C18orf32: variants seen among roughly 807,000 people sequenced by gnomAD.
The protein encoded by C18orf32 is chromosome 18 open reading frame 32, also known as UPF0729 protein C18orf32.
C18orf32 carries 5 observed loss-of-function variants against 7.4 expected under a neutral mutation model. The observed-to-expected ratio is 0.68, with a 90% CI of 0.35 to 1.42. C18orf32 has a LOEUF of 1.42. Ranked by LOEUF, C18orf32 falls within the 40% of genes most tolerant of loss-of-function variation. The probability of loss-of-function intolerance (pLI) is 0.04; values close to 1 mark genes in which losing one functional copy is unlikely to be tolerated. For missense variants in C18orf32, 88 were observed against 92.4 expected, an observed-to-expected ratio of 0.95 and a Z score of 0.19; for synonymous variants, 30 against 29.3, an observed-to-expected ratio of 1.02 and a Z score of -0.08.
Position 49,487,006 on chromosome 18 carries a change from C to T in C18orf32, c.-24+37G>A, listed in dbSNP as rs1294359862. ...AGACAGAGGGGAGGGGAGGGCGGGG[C>T]GGAGGGCGGAGGAGCGCGCTCGCGG... is the stretch of plus-strand genomic sequence containing the variant. On this transcript the variant is annotated intron_variant, in intron 1 of 2. Coordinates refer to ENST00000318240, the MANE Select transcript of C18orf32 (RefSeq NM_001035005.4). 2.0e-5 allele frequency: 3 copies of T among 148,818 alleles called. No individual in the cohort carries two copies. The East Asian group carries it at 6.1e-4, about 30-fold the overall frequency. 9.2% of individuals were successfully genotyped at this position (148,818 alleles called of 1,614,324 possible).
chr18:49,485,292 C>G (rs1364124586), intron 1 of C18orf32, among the ~76,000 whole-genome samples: 1 of 152,090 alleles, frequency 6.6e-6, no homozygotes, highest in Non-Finnish European at 1.5e-5. Context: ...CGGTGGCTCA[C>G]GCCTGTAATC....
chr18:49,484,163 T>TACAC (rs752826618), intron 1 of C18orf32, among the ~76,000 whole-genome samples: 1 of 66,866 alleles, frequency 1.5e-5, no homozygotes. Flanking sequence ...TATATATATA[T>TACAC]ATATACACAC....
chr18:49,485,890 G>A (rs1328294757), intron 1 of C18orf32: 1 of 151,900 alleles, frequency 6.6e-6, no homozygotes, highest in Non-Finnish European at 1.5e-5. Flanking sequence ...CCAAAGTGCT[G>A]GGATTACTGG....
chr18:49,481,549 T>C lies in C18orf32; in HGVS notation c.*796A>G, dbSNP rs754552588. The C allele has an allele frequency of 6.9e-6, 1 of 145,062 alleles. No homozygotes were observed. Among genetic ancestry groups the C allele is most frequent in the Non-Finnish European group, 1.5e-5 (1 of 66,596 alleles). The allele number at this position is 145,062 out of a possible 1,614,324, so 9.0% of individuals were successfully genotyped here. ...TGTCTTGTTACGCAACAATAGTAAT[T>C]GTTGTCCCACCACTACACAGATGCC... is the stretch of plus-strand genomic sequence containing the variant. On this transcript the variant is annotated 3_prime_UTR_variant, in exon 3 of 3. Transcript: ENST00000318240.
Position 49,480,135 on chromosome 18 carries a change from G to A in C18orf32, c.*2210C>T. The A allele has an allele frequency of 6.6e-6, 1 of 152,356 alleles. No homozygotes were observed. The highest frequency in any genetic ancestry group is 1.5e-5 in the Non-Finnish European group (1 of 68,180). The allele number at this position is 152,356 out of a possible 1,614,324, so 9.4% of individuals were successfully genotyped here. A position where few individuals can be genotyped will look rare whatever the true frequency, so the allele number is the denominator to read the frequency against. ...GAGGCCAGGAGTTTGAGACTCGCTT[G>A]GGCAACAGAGCAAGACCCCGTCTCT... On this transcript the variant is annotated 3_prime_UTR_variant, in exon 3 of 3. Transcript: ENST00000318240.
chr18:49,486,393 G>A (rs145869021), intron 1 of C18orf32: 1 of 152,276 alleles, frequency 6.6e-6, no homozygotes, highest in East Asian at 1.9e-4. Flanking sequence ...ACAGTACGAT[G>A]TACATAAACT....
At chr18:49,485,204 TAGAG>T (rs1421060123) in intron 1 of C18orf32, among the ~76,000 whole-genome samples, 1 of 152,188 alleles carries the variant, frequency 6.6e-6, no homozygotes, top group Non-Finnish European at 1.5e-5. Flanking sequence ...AACGGTGGCA[TAGAG>T]AATCAAATCT....
At chr18:49,483,515 A>G (rs2083690859) in intron 2 of C18orf32, 69 bp downstream of exon 2, 1 of 1,484,840 alleles carries the variant, frequency 6.7e-7, no homozygotes, top group Non-Finnish European at 8.9e-7. Flanking sequence ...TGTCCTTCCA[A>G]AATCTAGTGT....
rs1161661623 is a variant in C18orf32, at chr18:49,478,248, C to G, written c.*4097G>C. 5 of 149,608 alleles carry G rather than the reference C, an allele frequency of 3.3e-5. No homozygotes were observed. The highest frequency in any genetic ancestry group is 1.3e-4 in the Admixed American group (2 of 15,154). The allele number at this position is 149,608 out of a possible 1,614,324, so 9.3% of individuals were successfully genotyped here. On this transcript the variant is annotated 3_prime_UTR_variant, in exon 3 of 3. Transcript: ENST00000318240. ...GGAGGCGAGGTCTCCCTATGTTGCC[C>G]AGGCTGGGATCCTGTTTTTCTTTTT...
rs1389661990 is a variant in C18orf32, at chr18:49,481,086, T to C, written c.*1259A>G. The C allele has an allele frequency of 5.9e-5, 9 of 152,280 alleles. No homozygotes were observed. The highest frequency in any genetic ancestry group is 2.2e-4 in the African/African-American group (9 of 41,478). 9.4% of individuals were successfully genotyped at this position (152,280 alleles called of 1,614,324 possible). ...TTGTACTGTAAATATCTGTTATTTT[T>C]ATAATAGTATTTATACCTTAAAAAA... On this transcript the variant is annotated 3_prime_UTR_variant, in exon 3 of 3. Transcript: ENST00000318240.
Position 49,480,859 on chromosome 18 carries a change from G to A in C18orf32, c.*1486C>T, listed in dbSNP as rs1323135547. The A allele has an allele frequency of 6.6e-6, 1 of 152,144 alleles. No individual in the cohort carries two copies. Among genetic ancestry groups the A allele is most frequent in the Non-Finnish European group, 1.5e-5 (1 of 68,040 alleles). 9.4% of individuals were successfully genotyped at this position (152,144 alleles called of 1,614,324 possible). ...TAGAAGGTTACACACAAAATCAACT[G>A]GGGCGGACTCTGGATGCACTGCCTA... On this transcript the variant is annotated 3_prime_UTR_variant, in exon 3 of 3. Coordinates refer to ENST00000318240, the MANE Select transcript of C18orf32 (RefSeq NM_001035005.4).
Position 49,477,250 on chromosome 18 carries a change from A to C in C18orf32, c.*5095T>G, listed in dbSNP as rs565128603. The stretch of plus-strand genomic sequence containing the variant: ...AATTAAAAACTCAAGATACAAGGTT[A>C]GCAAAATTAACTTTATTATTATTTA... On this transcript the variant is annotated 3_prime_UTR_variant, in exon 3 of 3. Coordinates refer to ENST00000318240, the MANE Select transcript of C18orf32 (RefSeq NM_001035005.4). 2.0e-5 allele frequency: 3 copies of C among 150,248 alleles called. No homozygotes were observed. The highest frequency in any genetic ancestry group is 4.4e-5 in the Non-Finnish European group (3 of 68,022). The allele number at this position is 150,248 out of a possible 1,614,324, so 9.3% of individuals were successfully genotyped here.
rs1030906943 is a variant in C18orf32 at position 49,479,772 on chromosome 18, T to C, written c.*2573A>G. On this transcript the variant is annotated 3_prime_UTR_variant, in exon 3 of 3. Coordinates refer to ENST00000318240, the MANE Select transcript of C18orf32 (RefSeq NM_001035005.4). Reference sequence around the variant, plus strand: ...AGCCATCTCCTGCTATGGATCGCTATTGGCCAAACCCAGCAGAACCCAGAG... The same window carrying C: ...AGCCATCTCCTGCTATGGATCGCTACTGGCCAAACCCAGCAGAACCCAGAG... 2.6e-5 allele frequency: 4 copies of C among 152,376 alleles called. No individual in the cohort carries two copies. The highest frequency in any genetic ancestry group is 4.4e-5 in the Non-Finnish European group (3 of 68,206). The allele number at this position is 152,376 out of a possible 1,614,324, so 9.4% of individuals were successfully genotyped here.
At position 49,477,888 on chromosome 18, in the gene C18orf32, A is replaced by G. The variant is rs972905793; in HGVS notation, c.*4457T>C. 11 of 146,238 alleles carry G rather than the reference A, an allele frequency of 7.5e-5. No homozygotes were observed. The highest frequency in any genetic ancestry group is 2.9e-4 in the African/African-American group (11 of 38,210). 9.1% of individuals were successfully genotyped at this position (146,238 alleles called of 1,614,324 possible). ...TACACACTATATATATACACTATAT[A>G]TATATACACTATATGTATATACACT... On this transcript the variant is annotated 3_prime_UTR_variant, in exon 3 of 3. Coordinates refer to ENST00000318240, the MANE Select transcript of C18orf32 (RefSeq NM_001035005.4).
rs1259354941 is a variant in C18orf32 at position 49,477,970 on chromosome 18, G to T, written c.*4375C>A. ...ACTATATATATATGTAGCTGTGATGGCTCCTTAGCATGAAAGTATGACCTT... is the reference window on the plus strand; with the variant it reads ...ACTATATATATATGTAGCTGTGATGTCTCCTTAGCATGAAAGTATGACCTT... On this transcript the variant is annotated 3_prime_UTR_variant, in exon 3 of 3. Coordinates refer to ENST00000318240, the MANE Select transcript of C18orf32 (RefSeq NM_001035005.4). 1 of 145,708 alleles carries T rather than the reference G, an allele frequency of 6.9e-6. No homozygotes were observed. Among genetic ancestry groups the T allele is most frequent in the Non-Finnish European group, 1.5e-5 (1 of 67,428 alleles). The allele number at this position is 145,708 out of a possible 1,614,324, so 9.0% of individuals were successfully genotyped here. A position where few individuals can be genotyped will look rare whatever the true frequency, so the allele number is the denominator to read the frequency against.
chr18:49,478,262 GTTTTTC>G lies in C18orf32; in HGVS notation c.*4077_*4082del, dbSNP rs1401156757. The G allele has an allele frequency of 6.7e-6, 1 of 149,458 alleles. No homozygotes were observed. The highest frequency in any genetic ancestry group is 1.5e-5 in the Non-Finnish European group (1 of 67,986). 9.3% of individuals were successfully genotyped at this position (149,458 alleles called of 1,614,324 possible). On this transcript the variant is annotated 3_prime_UTR_variant, in exon 3 of 3. Transcript: ENST00000318240. ...CCTATGTTGCCCAGGCTGGGATCCT[GTTTTTC>G]TTTTTCTTTTCTTTTGAGACAGTCT...
rs1211267614 is a variant in C18orf32 at position 49,481,323 on chromosome 18, T to C, written c.*1022A>G. 1.3e-5 allele frequency: 2 copies of C among 151,974 alleles called. No homozygotes were observed. Among genetic ancestry groups the C allele is most frequent in the Admixed American group, 6.6e-5 (1 of 15,244 alleles). 9.4% of individuals were successfully genotyped at this position (151,974 alleles called of 1,614,324 possible). A position where few individuals can be genotyped will look rare whatever the true frequency, so the allele number is the denominator to read the frequency against. On this transcript the variant is annotated 3_prime_UTR_variant, in exon 3 of 3. Coordinates refer to ENST00000318240, the MANE Select transcript of C18orf32 (RefSeq NM_001035005.4). ...CTTTTAATCTTTCCCAGCTTCAGAG[T>C]GAATACAAAAAATATATAAGGATGC...
In C18orf32 at chr18:49,483,617, G is replaced by T. The variant is rs746907370; in HGVS notation, c.132C>A (p.Ser44=). The change falls in exon 2 of 3, where the codon TCC becomes TCA. Residue 44 remains serine (S), a synonymous_variant. Transcript: ENST00000318240. Reference sequence around the variant, plus strand: ...TTACTTTGCCTTTGTTTGTATCATTGGATTCTTGTATTGCTTTCTTAGGCC... The same window carrying T: ...TTACTTTGCCTTTGTTTGTATCATTTGATTCTTGTATTGCTTTCTTAGGCC... ...RIWPKKAIQE[S]NDTNKGKVNF... 6.2e-7 allele frequency: 1 copy of T among 1,608,402 alleles called. No homozygotes were observed. The highest frequency in any genetic ancestry group is 1.3e-5 in the African/African-American group (1 of 74,474).
At position 49,481,303 on chromosome 18, in the gene C18orf32, A is replaced by G. The variant is rs1226232796; in HGVS notation, c.*1042T>C. 1 of 152,120 alleles carries G rather than the reference A, an allele frequency of 6.6e-6. No individual in the cohort carries two copies. The highest frequency in any genetic ancestry group is 1.9e-4 in the East Asian group (1 of 5,192). 9.4% of individuals were successfully genotyped at this position (152,120 alleles called of 1,614,324 possible). A position where few individuals can be genotyped will look rare whatever the true frequency, so the allele number is the denominator to read the frequency against. ...GGACCCAAGGGCAGGAGTTCCTTTT[A>G]ATCTTTCCCAGCTTCAGAGTGAATA... On this transcript the variant is annotated 3_prime_UTR_variant, in exon 3 of 3. Transcript: ENST00000318240.
Sources: allele counts gnomAD v4.1 joint callset (sites outside exome capture counted in the v4.1 genomes callset), GRCh38; gene constraint gnomAD v4.1.1; transcripts MANE v1.5; gene names NCBI Gene and HGNC (gene_info 2026-07-23, HGNC 2026-07-21).